The following HUS1 variants were observed in gnomAD, a reference collection of about 807,000 sequenced individuals.
HUS1 encodes the protein HUS1 checkpoint clamp component, also known as checkpoint protein HUS1.
HUS1 carries 31 observed loss-of-function variants against 32.6 expected under a neutral mutation model. The observed-to-expected ratio is 0.95, with a 90% CI of 0.72 to 1.28. The LOEUF is 1.28. Among genes scored for constraint, HUS1 ranks in the 50% most tolerant of loss-of-function variants. The pLI, the probability that HUS1 is intolerant of heterozygous loss-of-function variation, is 0.00. For synonymous variants in HUS1, 123 were observed against 116.6 expected, an observed-to-expected ratio of 1.06 and a Z score of -0.36; for missense variants, 340 against 337.7, an observed-to-expected ratio of 1.01 and a Z score of -0.05.
At chr7:47,969,610 G>C (rs1293569175) in intron 5 of HUS1, among the ~76,000 whole-genome samples, 1 of 152,192 alleles carries the variant, frequency 6.6e-6, no homozygotes, top group East Asian at 1.9e-4. Flanking sequence ...GACTTGCCAG[G>C]AGACTACAGC....
Position 47,979,457 on chromosome 7 carries a change from T to A in HUS1, c.52+11A>T. On this transcript the variant is annotated intron_variant, in intron 1 of 7. Coordinates refer to ENST00000258774, the MANE Select transcript of HUS1 (RefSeq NM_004507.4). ...GTTCCTCCCTCGCTCCTCTCCGGCC[T>A]CCCTGCTCACGTGTGAAGTGGTTCA... The A allele has an allele frequency of 6.2e-6, 10 of 1,613,402 alleles. No homozygotes were observed. Among genetic ancestry groups the A allele is most frequent in the Non-Finnish European group, 8.5e-6 (10 of 1,179,854 alleles).
intron 7 of HUS1, among the ~76,000 whole-genome samples, chr7:47,967,382 A>G (rs2128764505): frequency 6.6e-6 from 1 of 152,356 alleles, no homozygotes; most frequent in Non-Finnish European, 1.5e-5. Flanking sequence ...GCATAGCCAC[A>G]GAAAGGAAAC....
chr7:47,969,121 C>A lies in HUS1; in HGVS notation c.640+98G>T, dbSNP rs572819376. On this transcript the variant is annotated intron_variant, in intron 6 of 7. Coordinates refer to ENST00000258774, the MANE Select transcript of HUS1 (RefSeq NM_004507.4). ...TCACCCAAGCATGAAACAAAGTCAA[C>A]TGAATTTCAACCTTTTTACATGAAG... 228 of 641,496 alleles carry A rather than the reference C, an allele frequency of 3.6e-4. 2 individuals are homozygous for A. The highest frequency in any genetic ancestry group is 5.5e-4 in the Admixed American group (18 of 32,816). The allele number at this position is 641,496 out of a possible 1,614,324, so 39.7% of individuals were successfully genotyped here. A position where few individuals can be genotyped will look rare whatever the true frequency, so the allele number is the denominator to read the frequency against.
chr7:47,969,119 A>C lies in HUS1; in HGVS notation c.640+100T>G. 5 of 636,538 alleles carry C rather than the reference A, an allele frequency of 7.9e-6. No homozygotes were observed. The South Asian group carries it at 9.4e-5, about 12-fold the overall frequency. The allele number at this position is 636,538 out of a possible 1,614,324, so 39.4% of individuals were successfully genotyped here. A position where few individuals can be genotyped will look rare whatever the true frequency, so the allele number is the denominator to read the frequency against. On this transcript the variant is annotated intron_variant, in intron 6 of 7. Transcript: ENST00000258774. ...CTTCACCCAAGCATGAAACAAAGTC[A>C]ACTGAATTTCAACCTTTTTACATGA...
At chr7:47,970,232 CAAAAAAAAA>C (rs777331089) in intron 5 of HUS1, among the ~76,000 whole-genome samples, 2 of 47,834 alleles carry the variant, frequency 4.2e-5, no homozygotes, top group Non-Finnish European at 7.8e-5. Flanking sequence ...GACTCTGTCT[CAAAAAAAAA>C]AAAAAAAAAA....
Position 47,965,894 on chromosome 7 carries a change from G to C in HUS1, c.761-456C>G, listed in dbSNP as rs554683588. ...TCCTGCCAATCCCGTGAGGGCCATG[G>C]GTGATGGCTAAAATCCAAGGCATCA... On this transcript the variant is annotated intron_variant, in intron 7 of 7. Transcript: ENST00000258774. 1.5e-3 allele frequency among the ~76,000 whole-genome samples: 222 copies of C among 152,166 alleles called. 1 individual carries two copies. Among genetic ancestry groups the C allele is most frequent in the Middle Eastern group, 3.4e-3 (1 of 294 alleles).
intron 4 of HUS1, 171 bp downstream of exon 4, chr7:47,976,559 T>C (rs1788708309): frequency 6.3e-6 from 4 of 632,156 alleles, no homozygotes; most frequent in Admixed American, 4.7e-5. Flanking sequence ...ATTTCTATCA[T>C]ATGCAACATT....
rs150040967 is a variant in HUS1 at position 47,976,185 on chromosome 7, C to T, written c.466-498G>A. ...GCTTTTTCAAAATCAGTGTAGGTGC[C>T]ATCTAGTAAAAGTCAAGTAATTATT... On this transcript the variant is annotated intron_variant, in intron 4 of 7. Transcript: ENST00000258774. 64 of 362,802 alleles carry T rather than the reference C, an allele frequency of 1.8e-4. No homozygotes were observed. The East Asian group carries it at 4.5e-3, about 26-fold the overall frequency. 22.5% of individuals were successfully genotyped at this position (362,802 alleles called of 1,614,324 possible).
intron 5 of HUS1, among the ~76,000 whole-genome samples, 168 bp downstream of exon 5, chr7:47,975,445 C>G (rs1788682611): frequency 6.6e-6 from 1 of 152,054 alleles, no homozygotes; most frequent in African/African-American, 2.4e-5. Flanking sequence ...GAATAGGTTT[C>G]TAAATCCAAC....
At chr7:47,976,653 G>A (rs776527590) in intron 4 of HUS1, 77 bp downstream of exon 4, 14 of 830,470 alleles carry the variant, frequency 1.7e-5, no homozygotes, top group Non-Finnish European at 2.3e-5. Flanking sequence ...TATACTGCAA[G>A]ACTACAACTA....
intron 6 of HUS1, 43 bp from the exon 7 acceptor site, chr7:47,967,968 TA>T (rs751862657): frequency 6.3e-7 from 1 of 1,589,732 alleles, no homozygotes; most frequent in African/African-American, 1.4e-5. Context: ...TCTTCCCACG[TA>T]ACAGGAAACC....
intron 5 of HUS1, among the ~76,000 whole-genome samples, chr7:47,969,589 A>G (rs539457153): frequency 6.6e-6 from 1 of 152,310 alleles, no homozygotes; most frequent in East Asian, 1.9e-4. Context: ...AAACAGGTGG[A>G]ACTCCGAGAG....
chr7:47,964,521 A>C lies in HUS1; in HGVS notation c.*835T>G, dbSNP rs567916479. 1.3e-5 allele frequency: 2 copies of C among 152,372 alleles called. No homozygotes were observed. The highest frequency in any genetic ancestry group is 3.9e-4 in the East Asian group (2 of 5,186). 9.4% of individuals were successfully genotyped at this position (152,372 alleles called of 1,614,324 possible). On this transcript the variant is annotated 3_prime_UTR_variant, in exon 8 of 8. Transcript: ENST00000258774. ...GTACTGAATCAGCTTTGATGTTCAG[A>C]AACATCAAAGAAATATGGTCTCATC...
rs777331089 is a variant in HUS1, at chr7:47,970,232, CAAAAAAAAAAAA to C, written c.541-926_541-915del. Reference sequence around the variant, plus strand: ...TGGGTGAAAGAGCGAGACTCTGTCTCAAAAAAAAAAAAAAAAAAAAAAGAGAAATGAACAATA... The same window carrying C: ...TGGGTGAAAGAGCGAGACTCTGTCTCAAAAAAAAAAGAGAAATGAACAATA... On this transcript the variant is annotated intron_variant, in intron 5 of 7. Transcript: ENST00000258774. Among the ~76,000 whole-genome samples, 213 of 47,846 alleles carry C rather than the reference CAAAAAAAAAAAA, an allele frequency of 4.5e-3. 1 individual carries two copies. The highest frequency in any genetic ancestry group is 0.014 in the African/African-American group (197 of 13,816). 31.4% of individuals were successfully genotyped at this position (47,846 alleles called of 152,430 possible).
At chr7:47,975,557 C>T in intron 5 of HUS1, 56 bp downstream of exon 5, 4 of 1,153,034 alleles carry the variant, frequency 3.5e-6, no homozygotes, top group Non-Finnish European at 5.2e-6. Context: ...AGCTGGAGAA[C>T]CCACGCCGTC....
chr7:47,977,420 C>G (rs1788728211), intron 3 of HUS1, among the ~76,000 whole-genome samples: 1 of 152,190 alleles, frequency 6.6e-6, no homozygotes, highest in Non-Finnish European at 1.5e-5. Context: ...ATATTTATTT[C>G]TAGGGGCTCC....
chr7:47,972,916 C>T (rs190790794), intron 5 of HUS1, among the ~76,000 whole-genome samples: 231 of 152,226 alleles, frequency 1.5e-3, no homozygotes, highest in African/African-American at 5.4e-3. Flanking sequence ...GCTCAGCAAC[C>T]CCACCCAAAT....
At chr7:47,971,376 C>T (rs1788596604) in intron 5 of HUS1, 1 of 419,340 alleles carries the variant, frequency 2.4e-6, no homozygotes, top group Admixed American at 2.6e-5. Context: ...TCTGCCATCC[C>T]CTCATATACC....
chr7:47,977,882 A>C (rs1788739192), intron 3 of HUS1, among the ~76,000 whole-genome samples: 1 of 152,040 alleles, frequency 6.6e-6, no homozygotes, highest in Non-Finnish European at 1.5e-5. Context: ...TGATAGAGAG[A>C]CTCCGTCTCA....
Sources: allele counts gnomAD v4.1 joint callset (sites outside exome capture counted in the v4.1 genomes callset), GRCh38; gene constraint gnomAD v4.1.1; transcripts MANE v1.5; gene names NCBI Gene and HGNC (gene_info 2026-07-23, HGNC 2026-07-21).